The following RNF4 variants were observed in gnomAD, a reference collection of about 807,000 sequenced individuals.
RNF4 encodes the protein E3 ubiquitin-protein ligase RNF4.
RNF4 carries 7 observed loss-of-function variants against 24.3 expected under a neutral mutation model. That is an observed-to-expected ratio of 0.29 (90% CI 0.16 to 0.54). RNF4 has a LOEUF of 0.54. RNF4 is among the 20% of genes least tolerant of loss of function. The pLI is 0.95. For synonymous variants in RNF4, 83 were observed against 84.3 expected (o/e 0.98, Z 0.09); for missense variants, 209 against 248.5 (o/e 0.84, Z 1.07).
chr4:2,488,341 G>A (rs1560404624), intron 1 of RNF4, among the ~76,000 whole-genome samples: 1 of 152,216 alleles, frequency 6.6e-6, no homozygotes, highest in Non-Finnish European at 1.5e-5. Flanking sequence ...GCACATGCCT[G>A]TAGTCCCAGC....
At chr4:2,499,982 C>A (rs1035982056) in intron 3 of RNF4, among the ~76,000 whole-genome samples, 1 of 151,944 alleles carries the variant, frequency 6.6e-6, no homozygotes, top group Non-Finnish European at 1.5e-5. Flanking sequence ...TGGTGAAACC[C>A]CATCTCTACT....
At chr4:2,484,397 C>T (rs1309385858) in intron 1 of RNF4, among the ~76,000 whole-genome samples, 1 of 152,036 alleles carries the variant, frequency 6.6e-6, no homozygotes, top group African/African-American at 2.4e-5. Flanking sequence ...TTCCTGTTTC[C>T]TGCCCGCCTG....
chr4:2,483,143 G>A (rs897845626), intron 1 of RNF4, among the ~76,000 whole-genome samples: 2 of 152,170 alleles, frequency 1.3e-5, no homozygotes, highest in Non-Finnish European at 2.9e-5. Context: ...TCCATGGGTA[G>A]TTTTTTGTTG....
intron 2 of RNF4, chr4:2,494,805 C>T (rs989066064): frequency 2.0e-5 from 3 of 152,208 alleles, no homozygotes; most frequent in African/African-American, 4.8e-5. Flanking sequence ...CTAATGCTTG[C>T]TTGGACTAAT....
At position 2,512,135 on chromosome 4, in the gene RNF4, G is replaced by T; in HGVS notation, c.214+170G>T. On this transcript the variant is annotated intron_variant, in intron 5 of 7. Coordinates refer to ENST00000314289, the MANE Select transcript of RNF4 (RefSeq NM_002938.5). This position sits in a 1 kb window ranked among gnomAD's most constrained non-coding sequence, Gnocchi z 4.1. Reference sequence around the variant, plus strand: ...GACCCACACAGCCAGTCCCCCTTGTGCCTGCTGAAGAAACTTCACCACTAT... The same window carrying T: ...GACCCACACAGCCAGTCCCCCTTGTTCCTGCTGAAGAAACTTCACCACTAT... The T allele has an allele frequency of 1.5e-6, 1 of 664,224 alleles. No individual in the cohort carries two copies. The highest frequency in any genetic ancestry group is 2.6e-6 in the Non-Finnish European group (1 of 382,832). 41.1% of individuals were successfully genotyped at this position (664,224 alleles called of 1,614,324 possible).
intron 2 of RNF4, among the ~76,000 whole-genome samples, chr4:2,491,427 G>C (rs1368175565): frequency 5.9e-5 from 9 of 152,098 alleles, no homozygotes; most frequent in Admixed American, 5.9e-4. Context: ...ATAGAGACCA[G>C]TTTTTGCCAT....
At chr4:2,500,156 CA>C (rs5855735) in intron 3 of RNF4, among the ~76,000 whole-genome samples, 23,565 of 77,264 alleles carry the variant, frequency 0.3, 1,322 homozygotes, top group East Asian at 0.46. Context: ...GACTCTGTCT[CA>C]AAAAAAAAAA....
At position 2,496,289 on chromosome 4, in the gene RNF4, C is replaced by G. The variant is rs532845532; in HGVS notation, c.10-718C>G. The stretch of plus-strand genomic sequence containing the variant: ...CTCAGAAAACTCCAAGTTCTTTATG[C>G]TAAGAAACAAAAAGGGCTCAGAAAG... On this transcript the variant is annotated intron_variant, in intron 2 of 7. Transcript: ENST00000314289. Among the ~76,000 whole-genome samples the G allele has an allele frequency of 2.6e-5, 4 of 152,166 alleles. No individual in the cohort carries two copies. The South Asian group carries it at 8.3e-4, about 32-fold the overall frequency.
chr4:2,479,700 G>A lies in RNF4; in HGVS notation c.-158+10442G>A, dbSNP rs184096392. 2.6e-5 allele frequency among the ~76,000 whole-genome samples: 4 copies of A among 152,310 alleles called. No homozygotes were observed. In the East Asian group the frequency reaches 7.7e-4, roughly 29 times the overall value. ...TCTTTTGTAAATTGGCCAGTCTCAAGTATGTCTGTCTCAGCAGCGTGAAAA... is the reference window on the plus strand; with the variant it reads ...TCTTTTGTAAATTGGCCAGTCTCAAATATGTCTGTCTCAGCAGCGTGAAAA... On this transcript the variant is annotated intron_variant, in intron 1 of 7. Coordinates refer to ENST00000314289, the MANE Select transcript of RNF4 (RefSeq NM_002938.5).
intron 1 of RNF4, among the ~76,000 whole-genome samples, chr4:2,476,602 C>T (rs1735082634): frequency 6.6e-6 from 1 of 152,056 alleles, no homozygotes; most frequent in South Asian, 2.1e-4. Context: ...CCATGTTGGC[C>T]AGCCTGTCTC....
At position 2,497,084 on chromosome 4, in the gene RNF4, C is replaced by A; in HGVS notation, c.87C>A (p.Ile29=). 1 of 1,609,636 alleles carries A rather than the reference C, an allele frequency of 6.2e-7. No individual in the cohort carries two copies. The highest frequency in any genetic ancestry group is 8.5e-7 in the Non-Finnish European group (1 of 1,178,108). Residue 29 remains isoleucine, a synonymous_variant, in exon 3 of 8, where the codon ATC becomes ATA. Transcript: ENST00000314289. ...RTREATSTPE[I]SLEAEPIELV... is the part of the protein sequence containing the mutation. ...GGGAAGCAACCTCCACCCCCGAGATCTCCTTGGAAGCAGAACCCATAGAAC... is the reference window on the plus strand; with the variant it reads ...GGGAAGCAACCTCCACCCCCGAGATATCCTTGGAAGCAGAACCCATAGAAC...
chr4:2,491,418 T>C (rs1027102337), intron 2 of RNF4, among the ~76,000 whole-genome samples: 2 of 152,164 alleles, frequency 1.3e-5, no homozygotes, highest in Non-Finnish European at 2.9e-5. Flanking sequence ...GTATTTTTAA[T>C]AGAGACCAGT....
rs373770063 is a variant in RNF4, at chr4:2,509,616, G to A, written c.205-2340G>A. 4.3e-4 allele frequency among the ~76,000 whole-genome samples: 66 copies of A among 152,226 alleles called. No homozygotes were observed. The East Asian group carries it at 6.2e-3, about 14-fold the overall frequency. ...TTGTTACCAGTGAGGAAACACTCTG[G>A]CGACCCTGTTCTTATGCACCCCAGT... On this transcript the variant is annotated intron_variant, in intron 4 of 7. Coordinates refer to ENST00000314289, the MANE Select transcript of RNF4 (RefSeq NM_002938.5).
In RNF4 at chr4:2,513,948, T is replaced by C. The variant is rs1204016037; in HGVS notation, c.*129T>C. The C allele has an allele frequency of 8.0e-6, 10 of 1,247,716 alleles. No homozygotes were observed. The East Asian group carries it at 2.1e-4, about 26-fold the overall frequency. 77.3% of individuals were successfully genotyped at this position (1,247,716 alleles called of 1,614,324 possible). On this transcript the variant is annotated 3_prime_UTR_variant, in exon 8 of 8. Coordinates refer to ENST00000314289, the MANE Select transcript of RNF4 (RefSeq NM_002938.5). Reference sequence around the variant, plus strand: ...CCAACATCTGATATGTAAACTGCTCTTTTGTTTCCAACCCCTTCCTTTTGT... The same window carrying C: ...CCAACATCTGATATGTAAACTGCTCCTTTGTTTCCAACCCCTTCCTTTTGT...
chr4:2,494,304 A>G (rs3121160), intron 2 of RNF4, among the ~76,000 whole-genome samples: 134,073 of 151,590 alleles, frequency 0.88, 59,400 homozygotes, highest in South Asian at 0.94. Context: ...CTGCTGCTGT[A>G]TCCAGTTTTT....
intron 1 of RNF4, among the ~76,000 whole-genome samples, chr4:2,483,064 C>G (rs1200883044): frequency 2.0e-5 from 3 of 152,234 alleles, no homozygotes; most frequent in African/African-American, 7.2e-5. Flanking sequence ...GACATGCTCT[C>G]CAGCCCTTCT....
intron 1 of RNF4, among the ~76,000 whole-genome samples, chr4:2,485,584 C>T (rs1261557716): frequency 6.6e-6 from 1 of 152,090 alleles, no homozygotes; most frequent in Non-Finnish European, 1.5e-5. Context: ...AGCTAGATAC[C>T]TTGGCGTGAG....
chr4:2,510,049 C>A (rs1246059328), intron 4 of RNF4, among the ~76,000 whole-genome samples: 2 of 152,150 alleles, frequency 1.3e-5, no homozygotes, highest in African/African-American at 4.8e-5. Flanking sequence ...CTGATTGTCC[C>A]CAGATTTCCC....
rs1460849879 is a variant in RNF4 at position 2,513,983 on chromosome 4, T to C, written c.*164T>C. 27 of 929,818 alleles carry C rather than the reference T, an allele frequency of 2.9e-5. No individual in the cohort carries two copies. The East Asian group carries it at 5.9e-4, about 20-fold the overall frequency. The allele number at this position is 929,818 out of a possible 1,614,324, so 57.6% of individuals were successfully genotyped here. On this transcript the variant is annotated 3_prime_UTR_variant, in exon 8 of 8. Transcript: ENST00000314289. The stretch of plus-strand genomic sequence containing the variant: ...AACCCCTTCCTTTTGTTATCTCCAG[T>C]TTGATGCTATGGCGCTGGACCCAGG...
Sources: gnomAD v4.1 joint callset for allele counts (sites outside exome capture counted in the v4.1 genomes callset) on GRCh38, gnomAD v4.1.1 for gene constraint, Gnocchi (gnomAD v3.1) non-coding constraint, MANE v1.5 for transcripts, NCBI Gene and HGNC (gene_info 2026-07-23, HGNC 2026-07-21) for gene names.